GYPB: variants seen among roughly 807,000 people sequenced by gnomAD.
The protein encoded by GYPB is glycophorin B (MNS blood group), also known as glycophorin-B.
In GYPB, 13 loss-of-function variants were observed where a neutral mutation model predicts 15.3. The observed-to-expected ratio is 0.85, with a 90% confidence interval of 0.55 to 1.35. The LOEUF (loss-of-function observed/expected upper bound fraction) is 1.35. GYPB is among the 40% of genes most tolerant of loss of function. GYPB has a pLI of 0.00. For synonymous variants in GYPB, 38 were observed against 36.9 expected (o/e 1.03, Z -0.11); for missense variants, 131 against 108.3 (o/e 1.21, Z -0.93).
In GYPB at chr4:144,001,635, G is replaced by C. The variant is rs148073513; in HGVS notation, c.38-352C>G. On this transcript the variant is annotated intron_variant, in intron 1 of 4. Transcript: ENST00000502664. ...GTGTATGTGGTATGTGTGTGTATGTGATGTGTATGTGTTAGTATAGTACTT... is the reference window on the plus strand; with the variant it reads ...GTGTATGTGGTATGTGTGTGTATGTCATGTGTATGTGTTAGTATAGTACTT... 2.0e-5 allele frequency among the ~76,000 whole-genome samples: 3 copies of C among 151,314 alleles called. No individual in the cohort carries two copies. The East Asian group carries it at 5.8e-4, about 29-fold the overall frequency.
At chr4:144,017,799 G>A (rs1308487137) in intron 1 of GYPB, among the ~76,000 whole-genome samples, 4 of 151,222 alleles carry the variant, frequency 2.6e-5, no homozygotes, top group African/African-American at 9.8e-5. Context: ...TTTTTTCTGT[G>A]TAATAGCACT....
rs533160466 is a variant in GYPB at position 144,003,690 on chromosome 4, TG to T, written c.38-2408del. ...AAGTTTTGAGCTTTATCAAAACAAT[TG>T]TTAACACTCTAGCAAATAGGTAGAC... On this transcript the variant is annotated intron_variant, in intron 1 of 4. Coordinates refer to ENST00000502664, the MANE Select transcript of GYPB (RefSeq NM_002100.6). Among the ~76,000 whole-genome samples, 91 of 151,610 alleles carry T rather than the reference TG, an allele frequency of 6.0e-4. 1 individual carries two copies. The highest frequency in any genetic ancestry group is 4.8e-3 in the South Asian group (23 of 4,826).
At chr4:144,011,493 C>T (rs1728219918) in intron 1 of GYPB, among the ~76,000 whole-genome samples, 1 of 151,208 alleles carries the variant, frequency 6.6e-6, no homozygotes, top group South Asian at 2.1e-4. Flanking sequence ...TTACTTGTGT[C>T]ATTAAGCAAT....
intron 3 of GYPB, 84 bp from the exon 4 acceptor site, chr4:143,997,718 C>T: frequency 1.3e-6 from 1 of 746,074 alleles, no homozygotes; most frequent in Non-Finnish European, 2.5e-6. Flanking sequence ...ATCAGCATAA[C>T]ATCACCTTGC....
At chr4:144,009,609 T>C (rs1237337796) in intron 1 of GYPB, among the ~76,000 whole-genome samples, 15 of 103,268 alleles carry the variant, frequency 1.5e-4, no homozygotes, top group South Asian at 4.0e-4. Flanking sequence ...TTCTTTTTTT[T>C]TTTTTTTTTT....
intron 1 of GYPB, among the ~76,000 whole-genome samples, chr4:144,008,968 G>A (rs1469249576): frequency 2.0e-5 from 3 of 151,270 alleles, no homozygotes; most frequent in Non-Finnish European, 4.4e-5. Context: ...TATGGTTCTA[G>A]CGTCACCTTT....
At position 144,010,035 on chromosome 4, in the gene GYPB, G is replaced by A. The variant is rs1398396488; in HGVS notation, c.38-8752C>T. On this transcript the variant is annotated intron_variant, in intron 1 of 4. Transcript: ENST00000502664. The stretch of plus-strand genomic sequence containing the variant: ...CTTGGCCCCTGTATTAGCATAACTA[G>A]AATGTCTGGATGTGAAACCCAATCA... Among the ~76,000 whole-genome samples the A allele has an allele frequency of 1.3e-5, 2 of 151,360 alleles. 1 individual carries two copies. The highest frequency in any genetic ancestry group is 4.9e-5 in the African/African-American group (2 of 40,668).
chr4:144,017,000 T>G (rs1369288709), intron 1 of GYPB: 2 of 363,324 alleles, frequency 5.5e-6, no homozygotes, highest in African/African-American at 4.3e-5. Context: ...ATATGCTTTG[T>G]ATTAGTTTTG....
Position 143,999,284 on chromosome 4 carries a change from C to T in GYPB, c.175+127G>A, listed in dbSNP as rs566389931. On this transcript the variant is annotated intron_variant, in intron 3 of 4. Coordinates refer to ENST00000502664, the MANE Select transcript of GYPB (RefSeq NM_002100.6). ...AATATTTTCTTTGTCTTTACAATTT[C>T]GTGTGAATAAAGTTAACAACATATG... is the stretch of plus-strand genomic sequence containing the variant. 99 of 602,376 alleles carry T rather than the reference C, an allele frequency of 1.6e-4. 1 individual carries two copies. Among genetic ancestry groups the T allele is most frequent in the Middle Eastern group, 5.2e-4 (2 of 3,868 alleles). 37.3% of individuals were successfully genotyped at this position (602,376 alleles called of 1,614,324 possible). A position where few individuals can be genotyped will look rare whatever the true frequency, so the allele number is the denominator to read the frequency against.
chr4:143,999,381 AC>A, intron 3 of GYPB, 29 bp downstream of exon 3: 6 of 1,299,330 alleles, frequency 4.6e-6, no homozygotes, highest in Non-Finnish European at 6.6e-6. Context: ...AAATGGAATG[AC>A]TTTTATTCTT....
At chr4:144,014,891 GC>G (rs895356733) in intron 1 of GYPB, among the ~76,000 whole-genome samples, 2 of 151,496 alleles carry the variant, frequency 1.3e-5, no homozygotes, top group Non-Finnish European at 2.9e-5. Flanking sequence ...TTCAGAACCT[GC>G]CTATATATGG....
Position 144,018,991 on chromosome 4 carries a change from T to G in GYPB, c.37+260A>C, listed in dbSNP as rs554031792. On this transcript the variant is annotated intron_variant, in intron 1 of 4. Coordinates refer to ENST00000502664, the MANE Select transcript of GYPB (RefSeq NM_002100.6). ...TTTCTCATAGCATTTGATAAAATTA[T>G]TTTAATTCTAGCTAGACTTAGAATT... 1.0e-3 allele frequency among the ~76,000 whole-genome samples: 152 copies of G among 151,538 alleles called. 2 individuals are homozygous for G. The Middle Eastern group carries it at 0.041, about 41-fold the overall frequency.
At chr4:144,017,413 A>G (rs1348506932) in intron 1 of GYPB, among the ~76,000 whole-genome samples, 1 of 151,062 alleles carries the variant, frequency 6.6e-6, no homozygotes, top group Admixed American at 6.6e-5. Context: ...GTATGGGGGA[A>G]AAACTTGATC....
chr4:144,011,014 C>T (rs1443016504), intron 1 of GYPB, among the ~76,000 whole-genome samples: 1 of 151,366 alleles, frequency 6.6e-6, no homozygotes, highest in Non-Finnish European at 1.5e-5. Flanking sequence ...TACTAAATGT[C>T]AGTTGTGAAT....
At chr4:144,006,551 G>C (rs1384736239) in intron 1 of GYPB, among the ~76,000 whole-genome samples, 1 of 151,990 alleles carries the variant, frequency 6.6e-6, no homozygotes, top group Non-Finnish European at 1.5e-5. Context: ...ATGTGATATT[G>C]TATAAGTACC....
intron 1 of GYPB, chr4:144,008,392 C>G (rs1240703429): frequency 2.2e-6 from 1 of 455,210 alleles, no homozygotes; most frequent in Admixed American, 2.4e-5. Flanking sequence ...AATAATTCAC[C>G]TTGTTTATAG....
chr4:144,011,468 A>C (rs1728219006), intron 1 of GYPB, among the ~76,000 whole-genome samples: 1 of 151,226 alleles, frequency 6.6e-6, no homozygotes, highest in Admixed American at 6.6e-5. Flanking sequence ...AGACATTACA[A>C]ACAGTGAAAA....
At chr4:143,996,487 C>G (rs562323023) in intron 4 of GYPB, among the ~76,000 whole-genome samples, 183 bp from the exon 5 acceptor site, 1 of 151,050 alleles carries the variant, frequency 6.6e-6, no homozygotes, top group Non-Finnish European at 1.5e-5. Context: ...TAATTAGGGC[C>G]GGGCGCAGTG....
intron 1 of GYPB, 91 bp from the exon 2 acceptor site, chr4:144,001,374 C>T: frequency 8.7e-6 from 14 of 1,600,776 alleles, no homozygotes; most frequent in Non-Finnish European, 4.3e-6. Flanking sequence ...CCTCTCACAT[C>T]CCTCCAGTCC....
Sources: allele counts gnomAD v4.1 joint callset (sites outside exome capture counted in the v4.1 genomes callset), GRCh38; gene constraint gnomAD v4.1.1; transcripts MANE v1.5; gene names NCBI Gene and HGNC (gene_info 2026-07-23, HGNC 2026-07-21).